The following INPP5D variants were observed in gnomAD, a reference collection of about 807,000 sequenced individuals.
INPP5D encodes the protein inositol polyphosphate-5-phosphatase D.
INPP5D carries 33 observed loss-of-function variants against 122.9 expected under a neutral mutation model. The observed-to-expected ratio is 0.27, with a 90% CI of 0.20 to 0.36. INPP5D has a LOEUF of 0.36. INPP5D is among the 10% of genes least tolerant of loss of function. The pLI, the probability that INPP5D is intolerant of heterozygous loss-of-function variation, is 1.00. For missense variants in INPP5D, 1,053 were observed against 1,412.7 expected, an observed-to-expected ratio of 0.75 and a Z score of 4.08; for synonymous variants, 584 against 576.2, an observed-to-expected ratio of 1.01 and a Z score of -0.19.
Position 233,157,387 on chromosome 2 carries a change from T to G in INPP5D, c.1031-926T>G, listed in dbSNP as rs1282606049. Among the ~76,000 whole-genome samples, 4 of 151,596 alleles carry G rather than the reference T, an allele frequency of 2.6e-5. No individual in the cohort carries two copies. In the South Asian group the frequency reaches 6.2e-4, roughly 24 times the overall value. On this transcript the variant is annotated intron_variant, in intron 9 of 26. Coordinates refer to ENST00000445964, the MANE Select transcript of INPP5D (RefSeq NM_001017915.3). The stretch of plus-strand genomic sequence containing the variant: ...CAAAGGAACTGATGAAAGTAGTTGG[T>G]CACATGGAAAAGAGAGTTATAAACT...
chr2:233,080,619 A>C (rs990816876), intron 2 of INPP5D, among the ~76,000 whole-genome samples: 2 of 152,188 alleles, frequency 1.3e-5, no homozygotes, highest in Non-Finnish European at 2.9e-5. Flanking sequence ...GTTTGAAAAG[A>C]AAGTGGAAGT....
chr2:233,094,263 A>G (rs1472331040), intron 2 of INPP5D, among the ~76,000 whole-genome samples: 1 of 152,106 alleles, frequency 6.6e-6, no homozygotes, highest in African/African-American at 2.4e-5. Context: ...TTGTAATCCC[A>G]GCACTTTGGG....
At chr2:233,196,498 C>T (rs1695188693) in intron 24 of INPP5D, among the ~76,000 whole-genome samples, 1 of 152,186 alleles carries the variant, frequency 6.6e-6, no homozygotes, top group Admixed American at 6.5e-5. Context: ...GTGGCTGTGT[C>T]TCCTGTGGGA....
intron 2 of INPP5D, among the ~76,000 whole-genome samples, chr2:233,112,139 A>T (rs974108781): frequency 1.3e-5 from 2 of 151,718 alleles, no homozygotes; most frequent in African/African-American, 2.4e-5. Context: ...GCATGTATTG[A>T]CGATTCTTGC....
chr2:233,159,346 G>A (rs1203297302), intron 10 of INPP5D, among the ~76,000 whole-genome samples: 1 of 152,208 alleles, frequency 6.6e-6, no homozygotes, highest in Non-Finnish European at 1.5e-5. Flanking sequence ...GTGTGAGGCA[G>A]TAAAAATGGA....
intron 25 of INPP5D, among the ~76,000 whole-genome samples, chr2:233,200,312 A>C (rs1417769562): frequency 1.3e-5 from 2 of 152,264 alleles, no homozygotes; most frequent in Non-Finnish European, 2.9e-5. Flanking sequence ...TGTTTCTAGT[A>C]GCCACAGGAT....
chr2:233,149,645 G>A (rs1693872156), intron 9 of INPP5D, among the ~76,000 whole-genome samples: 1 of 152,098 alleles, frequency 6.6e-6, no homozygotes, highest in African/African-American at 2.4e-5. Context: ...AACATGCTTA[G>A]GATGCCATAT....
chr2:233,069,828 G>A (rs1419462185), intron 1 of INPP5D, among the ~76,000 whole-genome samples: 2 of 152,126 alleles, frequency 1.3e-5, no homozygotes, highest in African/African-American at 4.8e-5. Context: ...TTATAAACAT[G>A]TCTGGTTATA....
At chr2:233,141,754 A>G (rs2106274653) in intron 6 of INPP5D, 1 of 152,388 alleles carries the variant, frequency 6.6e-6, no homozygotes, top group East Asian at 1.9e-4. Flanking sequence ...GGAAGTCTCC[A>G]CGAGGAAATC....
At chr2:233,139,437 G>A (rs970352863) in intron 5 of INPP5D, among the ~76,000 whole-genome samples, 3 of 151,138 alleles carry the variant, frequency 2.0e-5, no homozygotes, top group Admixed American at 6.6e-5. Flanking sequence ...TCAATCAGGC[G>A]GGAGCCCAGA....
At position 233,093,801 on chromosome 2, in the gene INPP5D, C is replaced by T. The variant is rs563071705; in HGVS notation, c.198+14403C>T. ...GGTGAAAAGATTTGCAAAAATTTGT[C>T]AATAATAATGTGATGACGTCCAGAG... On this transcript the variant is annotated intron_variant, in intron 2 of 26. Transcript: ENST00000445964. Among the ~76,000 whole-genome samples the T allele has an allele frequency of 2.6e-5, 4 of 152,112 alleles. No individual in the cohort carries two copies. In the East Asian group the frequency reaches 7.7e-4, roughly 29 times the overall value.
chr2:233,182,882 T>C (rs72972259), intron 19 of INPP5D, among the ~76,000 whole-genome samples: 21,783 of 152,146 alleles, frequency 0.14, 1,976 homozygotes, highest in South Asian at 0.21. Context: ...CTGTCTTCTG[T>C]TTAAGGCAAG....
At chr2:233,090,816 G>T (rs1691970600) in intron 2 of INPP5D, among the ~76,000 whole-genome samples, 1 of 152,148 alleles carries the variant, frequency 6.6e-6, no homozygotes, top group African/African-American at 2.4e-5. Flanking sequence ...AAATAGCCGG[G>T]TGTGATGGTG....
intron 22 of INPP5D, 138 bp from the exon 23 acceptor site, chr2:233,193,674 G>C (rs1695108733): frequency 1.1e-5 from 15 of 1,393,352 alleles, no homozygotes; most frequent in Non-Finnish European, 1.5e-5. Context: ...AAAGTACTGT[G>C]GTGTTGTTCT....
At chr2:233,073,460 T>C (rs1691435495) in intron 1 of INPP5D, among the ~76,000 whole-genome samples, 1 of 151,898 alleles carries the variant, frequency 6.6e-6, no homozygotes, top group African/African-American at 2.4e-5. Flanking sequence ...GCCAACATGG[T>C]GAAACCCCAT....
intron 1 of INPP5D, among the ~76,000 whole-genome samples, chr2:233,069,533 T>A (rs989454441): frequency 2.0e-5 from 3 of 152,240 alleles, no homozygotes; most frequent in African/African-American, 7.2e-5. Context: ...TACATGTATA[T>A]GTATAATTTT....
At chr2:233,154,992 G>A (rs147212233) in intron 9 of INPP5D, among the ~76,000 whole-genome samples, 79,347 of 152,092 alleles carry the variant, frequency 0.52, 21,346 homozygotes, top group East Asian at 0.67. Context: ...CTGCCACACC[G>A]GGATTACAGG....
At chr2:233,125,454 GGGCTT>G (rs1693128070) in intron 3 of INPP5D, among the ~76,000 whole-genome samples, 1 of 152,228 alleles carries the variant, frequency 6.6e-6, no homozygotes, top group Non-Finnish European at 1.5e-5. Context: ...CTGCTGCTGT[GGGCTT>G]AGTCCATCCA....
chr2:233,064,771 G>A (rs977011598), intron 1 of INPP5D, among the ~76,000 whole-genome samples: 2 of 152,236 alleles, frequency 1.3e-5, no homozygotes, highest in African/African-American at 4.8e-5. Flanking sequence ...GAGCCGCAGA[G>A]AAGGGACTTG....
Sources: allele counts gnomAD v4.1 joint callset (sites outside exome capture counted in the v4.1 genomes callset), GRCh38; gene constraint gnomAD v4.1.1; transcripts MANE v1.5; gene names NCBI Gene and HGNC (gene_info 2026-07-23, HGNC 2026-07-21).